KPNA4: variants seen among roughly 807,000 people sequenced by gnomAD.
KPNA4 encodes karyopherin subunit alpha 4.
A neutral mutation model predicts 71.3 loss-of-function variants in KPNA4; 13 were observed. The ratio of observed to expected loss-of-function variants is 0.18; its 90% CI spans 0.12 to 0.29. The LOEUF (loss-of-function observed/expected upper bound fraction) is 0.29. Ranked by LOEUF, KPNA4 falls within the 10% of genes least tolerant of loss-of-function variation. The pLI is 1.00. For missense variants in KPNA4, 334 were observed against 603.2 expected (o/e 0.55, Z 4.67); for synonymous variants, 189 against 195.2 (o/e 0.97, Z 0.26).
intron 1 of KPNA4, among the ~76,000 whole-genome samples, chr3:160,557,662 A>T (rs1342149225): frequency 6.6e-6 from 1 of 152,206 alleles, no homozygotes; most frequent in South Asian, 2.1e-4. Flanking sequence ...AATAGAAAAT[A>T]AGTCAGCATT....
In KPNA4 at chr3:160,496,967, TTAAG is replaced by T. The variant is rs1338268206; in HGVS notation, c.*5133_*5136del. 3 of 152,314 alleles carry T rather than the reference TTAAG, an allele frequency of 2.0e-5. No individual in the cohort carries two copies. Among genetic ancestry groups the T allele is most frequent in the South Asian group, 2.1e-4 (1 of 4,832 alleles). The allele number at this position is 152,314 out of a possible 1,614,324, so 9.4% of individuals were successfully genotyped here. A position where few individuals can be genotyped will look rare whatever the true frequency, so the allele number is the denominator to read the frequency against. On this transcript the variant is annotated 3_prime_UTR_variant, in exon 17 of 17. Transcript: ENST00000334256. ...TTCAAGATTATTGTTAACTTCTGGG[TTAAG>T]TGTTTAGGGAAAAAAATGTTAAATC... is the stretch of plus-strand genomic sequence containing the variant.
intron 5 of KPNA4, among the ~76,000 whole-genome samples, chr3:160,533,006 G>T (rs977530207): frequency 7.2e-5 from 11 of 152,158 alleles, no homozygotes; most frequent in Non-Finnish European, 1.6e-4. Flanking sequence ...ATACAGCATA[G>T]CCCTACGTTT....
At chr3:160,550,765 T>C (rs1007049181) in intron 1 of KPNA4, among the ~76,000 whole-genome samples, 8 of 152,238 alleles carry the variant, frequency 5.3e-5, no homozygotes, top group Non-Finnish European at 1.2e-4. Flanking sequence ...TCAACTGGTA[T>C]GACTGTGTCA....
intron 16 of KPNA4, 46 bp from the exon 17 acceptor site, chr3:160,502,248 A>C (rs763704707): frequency 3.0e-5 from 32 of 1,057,360 alleles, no homozygotes. Flanking sequence ...GTTTTAAAAT[A>C]TATATAAACA....
chr3:160,509,793 A>T lies in KPNA4; in HGVS notation c.1209+7T>A, dbSNP rs199904209. 6.4e-7 allele frequency: 1 copy of T among 1,569,422 alleles called. No individual in the cohort carries two copies. Among genetic ancestry groups the T allele is most frequent in the East Asian group, 2.2e-5 (1 of 44,564 alleles). On this transcript the variant is annotated splice_region_variant and intron_variant, in intron 14 of 16. Transcript: ENST00000334256. The stretch of plus-strand genomic sequence containing the variant: ...TTGAGAAATAAATTTTAAAAAGCTC[A>T]ACTTACTTGATCTTTCCTTCCACTA...
At chr3:160,520,740 A>G (rs748047978) in intron 11 of KPNA4, among the ~76,000 whole-genome samples, 2 of 152,230 alleles carry the variant, frequency 1.3e-5, no homozygotes, top group Non-Finnish European at 2.9e-5. Flanking sequence ...AGGAGAAATT[A>G]AAAACAGCTC....
intron 9 of KPNA4, 23 bp downstream of exon 9, chr3:160,525,915 A>T (rs1721448914): frequency 2.6e-6 from 4 of 1,541,492 alleles, no homozygotes; most frequent in Non-Finnish European, 3.5e-6. Flanking sequence ...TATCTCTTTT[A>T]ATTTTTTTTT....
chr3:160,503,585 G>C (rs1156399037), intron 16 of KPNA4, among the ~76,000 whole-genome samples: 2 of 151,968 alleles, frequency 1.3e-5, no homozygotes, highest in African/African-American at 2.4e-5. Flanking sequence ...GCTCCTTTTG[G>C]AAATTCCACA....
chr3:160,514,805 A>C (rs1315657334), intron 12 of KPNA4: 1 of 396,626 alleles, frequency 2.5e-6, no homozygotes, highest in Non-Finnish European at 4.9e-6. Context: ...AGTTGGTGCT[A>C]CTTTTGACAA....
rs906403519 is a variant in KPNA4 at position 160,565,291 on chromosome 3, C to T, written c.-9G>A. On this transcript the variant is annotated 5_prime_UTR_variant, in exon 1 of 17. Transcript: ENST00000334256. ...TTCTCGTTGTCCGCCATGGCCGGGC[C>T]GGTGACTCCTTCCCCCGCCCGGGCC... The T allele has an allele frequency of 1.9e-6, 3 of 1,594,298 alleles. No individual in the cohort carries two copies. Among genetic ancestry groups the T allele is most frequent in the Non-Finnish European group, 2.6e-6 (3 of 1,170,570 alleles).
chr3:160,537,175 T>C (rs1056465192), intron 1 of KPNA4, among the ~76,000 whole-genome samples: 5 of 151,364 alleles, frequency 3.3e-5, no homozygotes, highest in Non-Finnish European at 7.4e-5. Flanking sequence ...GAACCGATGA[T>C]ATTACAAAAA....
Position 160,509,775 on chromosome 3 carries a change from A to G in KPNA4, c.1209+25T>C, listed in dbSNP as rs773934330. The G allele has an allele frequency of 2.8e-6, 4 of 1,406,458 alleles. No individual in the cohort carries two copies. In the South Asian group the frequency reaches 4.6e-5, roughly 16 times the overall value. 87.1% of individuals were successfully genotyped at this position (1,406,458 alleles called of 1,614,324 possible). A position where few individuals can be genotyped will look rare whatever the true frequency, so the allele number is the denominator to read the frequency against. On this transcript the variant is annotated intron_variant, in intron 14 of 16. Coordinates refer to ENST00000334256, the MANE Select transcript of KPNA4 (RefSeq NM_002268.5). ...ACTTTTATTTTACCAGTTTTGAGAA[A>G]TAAATTTTAAAAAGCTCAACTTACT...
intron 11 of KPNA4, among the ~76,000 whole-genome samples, chr3:160,521,178 A>G (rs1181678869): frequency 6.6e-6 from 1 of 152,218 alleles, no homozygotes; most frequent in African/African-American, 2.4e-5. Context: ...AGGAAGAAAA[A>G]AAAAGAAGTA....
intron 13 of KPNA4, among the ~76,000 whole-genome samples, chr3:160,513,205 A>AGT (rs922106870): frequency 4.0e-5 from 6 of 148,738 alleles, no homozygotes; most frequent in African/African-American, 1.5e-4. Context: ...ATTACAGATC[A>AGT]GTGTTCAGAA....
chr3:160,520,376 C>T (rs142566435), intron 11 of KPNA4, among the ~76,000 whole-genome samples: 385 of 151,496 alleles, frequency 2.5e-3, no homozygotes, highest in Middle Eastern at 3.4e-3. Context: ...CTCAGCCTCC[C>T]GAGTAGCTAG....
At chr3:160,504,045 A>G (rs1194490087) in intron 16 of KPNA4, among the ~76,000 whole-genome samples, 1 of 152,066 alleles carries the variant, frequency 6.6e-6, no homozygotes, top group Non-Finnish European at 1.5e-5. Context: ...GACTGCGCCA[A>G]TGCACTCCAG....
In KPNA4 at chr3:160,498,913, A is replaced by G. The variant is rs1720821539; in HGVS notation, c.*3191T>C. The G allele has an allele frequency of 6.6e-6, 1 of 152,220 alleles. No homozygotes were observed. Among genetic ancestry groups the G allele is most frequent in the Non-Finnish European group, 1.5e-5 (1 of 68,042 alleles). The allele number at this position is 152,220 out of a possible 1,614,324, so 9.4% of individuals were successfully genotyped here. On this transcript the variant is annotated 3_prime_UTR_variant, in exon 17 of 17. Coordinates refer to ENST00000334256, the MANE Select transcript of KPNA4 (RefSeq NM_002268.5). ...CACAGCAGTTATTCTCTAAATTCAA[A>G]ATTTAGCTTAATCTCTGTAACTTTT... is the stretch of plus-strand genomic sequence containing the variant.
chr3:160,543,451 C>A (rs1721847429), intron 1 of KPNA4, among the ~76,000 whole-genome samples: 1 of 150,898 alleles, frequency 6.6e-6, no homozygotes, highest in African/African-American at 2.4e-5. Context: ...AGTGATCCTC[C>A]TGCCTGGAGT....
chr3:160,518,950 T>C (rs567928790), intron 11 of KPNA4, among the ~76,000 whole-genome samples: 1 of 152,354 alleles, frequency 6.6e-6, no homozygotes, highest in East Asian at 1.9e-4. Flanking sequence ...CATGTCTATA[T>C]TTATGCCAGT....
Sources: gnomAD v4.1 joint callset for allele counts (sites outside exome capture counted in the v4.1 genomes callset) on GRCh38, gnomAD v4.1.1 for gene constraint, MANE v1.5 for transcripts, NCBI Gene and HGNC (gene_info 2026-07-23, HGNC 2026-07-21) for gene names.